The following ATP2A3 variants were observed in gnomAD, a reference collection of about 807,000 sequenced individuals.
ATP2A3 encodes sarcoplasmic/endoplasmic reticulum calcium ATPase 3.
In ATP2A3, 61 loss-of-function variants were observed where a neutral mutation model predicts 106.8. The observed-to-expected ratio is 0.57, with a 90% CI of 0.46 to 0.71. The LOEUF (loss-of-function observed/expected upper bound fraction) is 0.71, where lower values mean the gene tolerates loss of function less well. ATP2A3 is among the 30% of genes least tolerant of loss of function. ATP2A3 has a pLI of 0.00. For synonymous variants in ATP2A3, 611 were observed against 609.3 expected, an observed-to-expected ratio of 1.00 and a Z score of -0.04; for missense variants, 1,201 against 1,423.5, an observed-to-expected ratio of 0.84 and a Z score of 2.52.
intron 17 of ATP2A3, 123 bp downstream of exon 17, chr17:3,935,069 T>C (rs1266344873): frequency 6.8e-6 from 7 of 1,032,774 alleles, no homozygotes; most frequent in Non-Finnish European, 1.0e-5. Context: ...GGGATGTTTA[T>C]TCGTGTATAG....
chr17:3,939,876 C>T (rs2053647856), intron 14 of ATP2A3, among the ~76,000 whole-genome samples: 1 of 143,412 alleles, frequency 7.0e-6, no homozygotes, highest in African/African-American at 2.6e-5. Context: ...ACAGTCCATA[C>T]TGTATGATTC....
At position 3,924,764 on chromosome 17, in the gene ATP2A3, CT is replaced by C; in HGVS notation, c.*657del. ...CCTCGCTCCGCCCTCCTGCCGGCTC[CT>C]TGTGTCCGTCTCTCTGACCCTTCAC... On this transcript the variant is annotated 3_prime_UTR_variant, in exon 21 of 21. Coordinates refer to ENST00000397041, the MANE Select transcript of ATP2A3 (RefSeq NM_005173.4). This position sits in a 1 kb window ranked among gnomAD's most constrained non-coding sequence, Gnocchi z 6.4. 1 of 456,676 alleles carries C rather than the reference CT, an allele frequency of 2.2e-6. No individual in the cohort carries two copies. Among genetic ancestry groups the C allele is most frequent in the South Asian group, 1.5e-5 (1 of 64,572 alleles). 28.3% of individuals were successfully genotyped at this position (456,676 alleles called of 1,614,324 possible).
Position 3,929,399 on chromosome 17 carries a change from G to A in ATP2A3, c.2791C>T (p.Pro931Ser), listed in dbSNP as rs769794392. The A allele has an allele frequency of 2.5e-6, 4 of 1,588,638 alleles. No homozygotes were observed. The highest frequency in any genetic ancestry group is 1.8e-4 in the Middle Eastern group (1 of 5,570). ...SLLRMPPWMN[P>S]WLLVAVAMSM... ...ATGGCCACAGCCACCAGCAGCCAGG[G>A]GTTCATCCAGGGCGGCATCCGCAGC... Residue 931 changes from proline (P) to serine (S), a missense_variant, in exon 19 of 21, where the codon CCC becomes TCC. Around this residue, in one of 2 missense-constraint regions of ATP2A3, gnomAD observed 935 missense variants for 1,176.7 expected, o/e 0.79. Coordinates refer to ENST00000397041, the MANE Select transcript of ATP2A3 (RefSeq NM_005173.4). This position sits in a 1 kb window ranked among gnomAD's most constrained non-coding sequence, Gnocchi z 4.3.
In ATP2A3 at chr17:3,941,484, C is replaced by T; in HGVS notation, c.1716G>A (p.Arg572=). ...AGTCGTCCAGCTCCATGTCCTCCTT[C>T]CTTGGGGGCGCGTCCCGGGTGGCCA... ...LALATRDAPP[R]KEDMELDDCS... The change falls in exon 13 of 21, where the codon AGG becomes AGA. Residue 572 remains arginine, a synonymous_variant. Coordinates refer to ENST00000397041, the MANE Select transcript of ATP2A3 (RefSeq NM_005173.4). The T allele has an allele frequency of 1.2e-6, 2 of 1,613,878 alleles. No homozygotes were observed. Among genetic ancestry groups the T allele is most frequent in the Non-Finnish European group, 1.7e-6 (2 of 1,179,842 alleles).
chr17:3,927,135 A>G (rs2052753433), intron 20 of ATP2A3: 1 of 983,468 alleles, frequency 1.0e-6, no homozygotes, highest in African/African-American at 1.8e-5. Flanking sequence ...ACTCCCCCTC[A>G]CTCCTGGCCC....
chr17:3,943,284 A>C (rs2053888300), intron 11 of ATP2A3, 107 bp downstream of exon 11: 15 of 1,522,708 alleles, frequency 9.9e-6, no homozygotes, highest in Admixed American at 3.9e-5. Flanking sequence ...AAAAAAAAAA[A>C]AACAAAACGA....
Position 3,929,250 on chromosome 17 carries a change from G to A in ATP2A3, c.2862+78C>T, listed in dbSNP as rs555318972. The A allele has an allele frequency of 2.9e-5, 38 of 1,315,796 alleles. 1 individual carries two copies. In the Admixed American group the frequency reaches 7.1e-4, roughly 24 times the overall value. The allele number at this position is 1,315,796 out of a possible 1,614,324, so 81.5% of individuals were successfully genotyped here. A position where few individuals can be genotyped will look rare whatever the true frequency, so the allele number is the denominator to read the frequency against. On this transcript the variant is annotated intron_variant, in intron 19 of 20. Coordinates refer to ENST00000397041, the MANE Select transcript of ATP2A3 (RefSeq NM_005173.4). The surrounding 1 kb of genome is among the most constrained non-coding windows in gnomAD (Gnocchi z 4.3). ...CTCCAGGTAGTTTCCATTGCAGGGGGGCCAGAGAGGTCCAGTGACCAGCCC... is the reference window on the plus strand; with the variant it reads ...CTCCAGGTAGTTTCCATTGCAGGGGAGCCAGAGAGGTCCAGTGACCAGCCC...
At chr17:3,946,859 C>A (rs2054144941) in intron 8 of ATP2A3, among the ~76,000 whole-genome samples, 1 of 152,212 alleles carries the variant, frequency 6.6e-6, no homozygotes, top group South Asian at 2.1e-4. Flanking sequence ...CATGGGCCTG[C>A]TGAAGTCTCA....
intron 1 of ATP2A3, 100 bp downstream of exon 1, chr17:3,964,073 CT>C: frequency 3.1e-6 from 2 of 638,974 alleles, no homozygotes; most frequent in East Asian, 8.6e-5. Context: ...GGAGCCCTCG[CT>C]TCCTGCCCGC....
chr17:3,956,278 G>C (rs1567723176), intron 1 of ATP2A3, among the ~76,000 whole-genome samples: 1 of 152,114 alleles, frequency 6.6e-6, no homozygotes, highest in East Asian at 1.9e-4. Context: ...TCATTATGTT[G>C]TTCCCCAAAT....
chr17:3,942,253 G>A (rs1024097769), intron 12 of ATP2A3, among the ~76,000 whole-genome samples: 7 of 152,140 alleles, frequency 4.6e-5, no homozygotes, highest in African/African-American at 1.4e-4. Flanking sequence ...CAAGTGGCCC[G>A]AGCTCCCAGT....
Position 3,953,465 on chromosome 17 carries a change from A to G in ATP2A3, c.137-36T>C. The G allele has an allele frequency of 4.4e-6, 7 of 1,603,936 alleles. No homozygotes were observed. Among genetic ancestry groups the G allele is most frequent in the Non-Finnish European group, 6.0e-6 (7 of 1,171,238 alleles). ...GGGTCATGTGTGAGGCTGGGCCCCC[A>G]CCACTGACCCTGCCCACTCAGAGCT... is the stretch of plus-strand genomic sequence containing the variant. On this transcript the variant is annotated intron_variant, in intron 2 of 20. Coordinates refer to ENST00000397041, the MANE Select transcript of ATP2A3 (RefSeq NM_005173.4). This position sits in a 1 kb window ranked among gnomAD's most constrained non-coding sequence, Gnocchi z 5.1.
At position 3,953,582 on chromosome 17, in the gene ATP2A3, G is replaced by T; in HGVS notation, c.136+111C>A. The T allele has an allele frequency of 2.0e-6, 3 of 1,505,040 alleles. No individual in the cohort carries two copies. In the South Asian group the frequency reaches 3.6e-5, roughly 18 times the overall value. The allele number at this position is 1,505,040 out of a possible 1,614,324, so 93.2% of individuals were successfully genotyped here. ...CTGAGAGGCTCAGGTGGGTGATCCT[G>T]GGGAGCTCAGCAAGGCCTCACTCAG... On this transcript the variant is annotated intron_variant, in intron 2 of 20. Transcript: ENST00000397041. The surrounding 1 kb of genome is among the most constrained non-coding windows in gnomAD (Gnocchi z 5.1).
At position 3,929,287 on chromosome 17, in the gene ATP2A3, T is replaced by C; in HGVS notation, c.2862+41A>G. 4.7e-6 allele frequency: 7 copies of C among 1,497,874 alleles called. No homozygotes were observed. The highest frequency in any genetic ancestry group is 6.4e-6 in the Non-Finnish European group (7 of 1,100,710). The allele number at this position is 1,497,874 out of a possible 1,614,324, so 92.8% of individuals were successfully genotyped here. Reference sequence around the variant, plus strand: ...CCAGTGACCAGCCCAGGGCCTGTGATGTCCAGGGACCAGGGCAGTGGGGCA... The same window carrying C: ...CCAGTGACCAGCCCAGGGCCTGTGACGTCCAGGGACCAGGGCAGTGGGGCA... On this transcript the variant is annotated intron_variant, in intron 19 of 20. Coordinates refer to ENST00000397041, the MANE Select transcript of ATP2A3 (RefSeq NM_005173.4). The surrounding 1 kb of genome is among the most constrained non-coding windows in gnomAD (Gnocchi z 4.3).
At chr17:3,934,944 C>A in intron 17 of ATP2A3, 2 of 537,022 alleles carry the variant, frequency 3.7e-6, no homozygotes, top group South Asian at 4.1e-5. Context: ...ATACATCTGG[C>A]AGTGAGGCCT....
chr17:3,962,570 C>T (rs184056526), intron 1 of ATP2A3, among the ~76,000 whole-genome samples: 2 of 152,284 alleles, frequency 1.3e-5, no homozygotes, highest in East Asian at 1.9e-4. Flanking sequence ...AAGCCCACAG[C>T]CTTCCCCATC....
At chr17:3,952,563 C>T (rs1043667475) in intron 3 of ATP2A3, among the ~76,000 whole-genome samples, 1 of 152,032 alleles carries the variant, frequency 6.6e-6, no homozygotes, top group Non-Finnish European at 1.5e-5. Context: ...ACAAGGTGCC[C>T]CCCAGGGGCA....
Position 3,936,149 on chromosome 17 carries a change from G to A in ATP2A3, c.2524+118C>T, listed in dbSNP as rs759643530. The A allele has an allele frequency of 4.0e-5, 52 of 1,307,808 alleles. No individual in the cohort carries two copies. Among genetic ancestry groups the A allele is most frequent in the Non-Finnish European group, 5.1e-5 (46 of 908,606 alleles). 81.0% of individuals were successfully genotyped at this position (1,307,808 alleles called of 1,614,324 possible). On this transcript the variant is annotated intron_variant, in intron 16 of 20. Transcript: ENST00000397041. This position sits in a 1 kb window ranked among gnomAD's most constrained non-coding sequence, Gnocchi z 5.4. ...ATGCCTGGTCTTTTCCATTACATGA[G>A]CTCATACAGTTTCTACTGGCACAAG...
intron 14 of ATP2A3, 49 bp downstream of exon 14, chr17:3,940,922 C>T (rs1301488806): frequency 2.5e-6 from 4 of 1,601,350 alleles, no homozygotes; most frequent in South Asian, 2.2e-5. Context: ...TTTCACACCC[C>T]GTGGCCCCAC....
Sources: gnomAD v4.1 joint callset for allele counts (sites outside exome capture counted in the v4.1 genomes callset) on GRCh38, gnomAD v4.1.1 for gene constraint, gnomAD v4.1.1 regional missense constraint, Gnocchi (gnomAD v3.1) non-coding constraint, MANE v1.5 for transcripts, NCBI Gene and HGNC (gene_info 2026-07-23, HGNC 2026-07-21) for gene names.